Variants in STOX1 observed in about 807,000 individuals in gnomAD.
STOX1 encodes storkhead box 1, also known as storkhead-box protein 1.
STOX1 carries 57 observed loss-of-function variants against 74.8 expected under a neutral mutation model. The observed-to-expected ratio is 0.76, with a 90% confidence interval of 0.62 to 0.95. The LOEUF is 0.95. Among genes scored for constraint, STOX1 ranks in the 40% least tolerant of loss-of-function variants. STOX1 has a pLI of 0.00. For missense variants in STOX1, 1,010 were observed against 1,117.0 expected (o/e 0.90, Z 1.37); for synonymous variants, 375 against 401.3 (o/e 0.93, Z 0.78).
chr10:68,829,081 C>G, intron 1 of STOX1: 1 of 753,798 alleles, frequency 1.3e-6, no homozygotes, highest in African/African-American at 1.9e-5. Context: ...TGACAAGTCA[C>G]CAGTTGTTCC....
chr10:68,830,379 G>A (rs1031912126), intron 1 of STOX1, among the ~76,000 whole-genome samples: 2 of 152,074 alleles, frequency 1.3e-5, no homozygotes, highest in Admixed American at 6.6e-5. Context: ...GTCTCTCTCT[G>A]CTGCTCAGGC....
chr10:68,866,945 G>GTTTTTT lies in STOX1; in HGVS notation c.311-15001_311-14996dup, dbSNP rs71474450. On this transcript the variant is annotated intron_variant, in intron 1 of 3. Coordinates refer to ENST00000298596, the MANE Select transcript of STOX1 (RefSeq NM_152709.5). Reference sequence around the variant, plus strand: ...CACTGATTGGACCAATGCTTTCCTTGTTTTTTTTTTTTTTTTTCGAGGCAG... The same window carrying GTTTTTT: ...CACTGATTGGACCAATGCTTTCCTTGTTTTTTTTTTTTTTTTTTTTTTTCGAGGCAG... Among the ~76,000 whole-genome samples, 323 of 124,972 alleles carry GTTTTTT rather than the reference G, an allele frequency of 2.6e-3. 13 individuals are homozygous for GTTTTTT. Among genetic ancestry groups the GTTTTTT allele is most frequent in the African/African-American group, 8.5e-3 (280 of 32,880 alleles). 82.0% of individuals were successfully genotyped at this position (124,972 alleles called of 152,430 possible).
intron 1 of STOX1, among the ~76,000 whole-genome samples, chr10:68,843,814 C>T (rs1451983871): frequency 6.6e-6 from 1 of 152,114 alleles, no homozygotes; most frequent in East Asian, 1.9e-4. Flanking sequence ...ACCACCTCAG[C>T]ATCCCAAAGT....
chr10:68,859,198 C>G (rs1840200015), intron 1 of STOX1, among the ~76,000 whole-genome samples: 1 of 152,128 alleles, frequency 6.6e-6, no homozygotes, highest in Non-Finnish European at 1.5e-5. Flanking sequence ...CTTATTGTCT[C>G]CATTTCACAA....
At chr10:68,873,958 G>GTTTTTTGTT (rs1840612120) in intron 1 of STOX1, among the ~76,000 whole-genome samples, 1 of 86,436 alleles carries the variant, frequency 1.2e-5, no homozygotes, top group African/African-American at 4.6e-5. Context: ...GTTTTTGTTT[G>GTTTTTTGTT]TTTTTTGTTT....
In STOX1 at chr10:68,884,621, C is replaced by T. The variant is rs202064114; in HGVS notation, c.825C>T (p.Ser275=). ...TRKSHRGLGE[S]VSWVQNGAVS... ...AGAGTCACAGAGGTCTTGGGGAATC[C>T]GTATCTTGGGTACAGAATGGGGCAG... Residue 275 remains serine (S), a synonymous_variant, in exon 3 of 4, where the codon TCC becomes TCT. Transcript: ENST00000298596. The T allele has an allele frequency of 4.6e-5, 75 of 1,613,932 alleles. No homozygotes were observed. Among genetic ancestry groups the T allele is most frequent in the African/African-American group, 1.3e-4 (10 of 75,028 alleles).
At position 68,892,779 on chromosome 10, in the gene STOX1, G is replaced by A. The variant is rs1401286500; in HGVS notation, c.*43G>A. 1.9e-6 allele frequency: 3 copies of A among 1,585,152 alleles called. No homozygotes were observed. The highest frequency in any genetic ancestry group is 1.7e-6 in the Non-Finnish European group (2 of 1,155,552). ...ACTTTTTTCTTTATAAAAAGGTAGA[G>A]CATTATTACAGAATCTTTCAATCAT... On this transcript the variant is annotated 3_prime_UTR_variant, in exon 4 of 4. Transcript: ENST00000298596.
intron 1 of STOX1, among the ~76,000 whole-genome samples, chr10:68,867,926 G>C (rs1023936651): frequency 2.0e-5 from 3 of 152,260 alleles, no homozygotes; most frequent in African/African-American, 7.2e-5. Context: ...CTGAGGAGCT[G>C]CTGAAGCAGA....
At chr10:68,837,180 G>A (rs1391153976) in intron 1 of STOX1, among the ~76,000 whole-genome samples, 1 of 152,226 alleles carries the variant, frequency 6.6e-6, no homozygotes, top group Non-Finnish European at 1.5e-5. Context: ...AGCAATAAAA[G>A]GATAGCTGAT....
chr10:68,887,932 G>A (rs1336336268), intron 3 of STOX1, among the ~76,000 whole-genome samples: 1 of 151,986 alleles, frequency 6.6e-6, no homozygotes, highest in Non-Finnish European at 1.5e-5. Flanking sequence ...TTTAAATGTT[G>A]TTTGGATTAT....
chr10:68,849,057 GCCT>G (rs1219633472), intron 1 of STOX1, among the ~76,000 whole-genome samples: 5 of 152,160 alleles, frequency 3.3e-5, no homozygotes, highest in Non-Finnish European at 7.3e-5. Flanking sequence ...TGTCCTGGAG[GCCT>G]CATTCTGTCA....
chr10:68,835,648 G>A (rs982330936), intron 1 of STOX1, among the ~76,000 whole-genome samples: 31 of 152,130 alleles, frequency 2.0e-4, no homozygotes, highest in African/African-American at 6.3e-4. Flanking sequence ...GAGCCACCGT[G>A]CCTGGCCTGT....
chr10:68,832,014 C>A lies in STOX1; in HGVS notation c.310+4081C>A, dbSNP rs539885270. Among the ~76,000 whole-genome samples, 32 of 152,004 alleles carry A rather than the reference C, an allele frequency of 2.1e-4. No homozygotes were observed. The East Asian group carries it at 3.7e-3, about 17-fold the overall frequency. On this transcript the variant is annotated intron_variant, in intron 1 of 3. Transcript: ENST00000298596. ...TGCTGGGTCCAAGGGATCCTCCCCC[C>A]TCGGCCTCCCAAAGTGCTGTGATTA...
rs927289744 is a variant in STOX1 at position 68,892,970 on chromosome 10, G to T, written c.*234G>T. On this transcript the variant is annotated 3_prime_UTR_variant, in exon 4 of 4. Transcript: ENST00000298596. ...TATTGGGAGTATATAGATTATTTTC[G>T]ATTAAAAAGTGGAATTATTGGTCCC... is the stretch of plus-strand genomic sequence containing the variant. 7 of 402,076 alleles carry T rather than the reference G, an allele frequency of 1.7e-5. No individual in the cohort carries two copies. The highest frequency in any genetic ancestry group is 4.3e-5 in the South Asian group (1 of 23,016). The allele number at this position is 402,076 out of a possible 1,614,324, so 24.9% of individuals were successfully genotyped here.
intron 1 of STOX1, among the ~76,000 whole-genome samples, chr10:68,851,189 G>C (rs2133536215): frequency 6.6e-6 from 1 of 151,554 alleles, no homozygotes; most frequent in South Asian, 2.1e-4. Flanking sequence ...TTTGGTCCCA[G>C]CTACTCAGGA....
chr10:68,888,067 ACACACGCGCG>A (rs1841006926), intron 3 of STOX1, among the ~76,000 whole-genome samples: 2 of 152,010 alleles, frequency 1.3e-5, no homozygotes, highest in Admixed American at 6.5e-5. Flanking sequence ...TCTAACACAC[ACACACGCGCG>A]CACACACGCA....
At chr10:68,868,096 G>A (rs923170690) in intron 1 of STOX1, among the ~76,000 whole-genome samples, 4 of 152,210 alleles carry the variant, frequency 2.6e-5, no homozygotes, top group Non-Finnish European at 2.9e-5. Flanking sequence ...CCTTCGATCC[G>A]GGTTCGAGCC....
Position 68,884,375 on chromosome 10 carries a change from C to T in STOX1, c.579C>T (p.Phe193=), listed in dbSNP as rs772294404. Residue 193 remains phenylalanine (F), a synonymous_variant, in exon 3 of 4, where the codon TTC becomes TTT. Coordinates refer to ENST00000298596, the MANE Select transcript of STOX1 (RefSeq NM_152709.5). ...TCATAGTTACTCCTCAGACTTACTT[C>T]ATTACAAATACAACCACCCAGGAAA... ...GYFIVTPQTY[F]ITNTTTQENK... The T allele has an allele frequency of 5.6e-6, 9 of 1,614,166 alleles. No individual in the cohort carries two copies. The highest frequency in any genetic ancestry group is 1.3e-5 in the African/African-American group (1 of 75,054).
chr10:68,863,746 T>G (rs553072710), intron 1 of STOX1, among the ~76,000 whole-genome samples: 14 of 152,200 alleles, frequency 9.2e-5, no homozygotes, highest in African/African-American at 3.4e-4. Flanking sequence ...GAATCGTAAC[T>G]GAGCATTTTC....
Sources: allele counts gnomAD v4.1 joint callset (sites outside exome capture counted in the v4.1 genomes callset), GRCh38; gene constraint gnomAD v4.1.1; transcripts MANE v1.5; gene names NCBI Gene and HGNC (gene_info 2026-07-23, HGNC 2026-07-21).